The following DCLK2 variants were observed in gnomAD, a reference collection of about 807,000 sequenced individuals.
The protein encoded by DCLK2 is serine/threonine-protein kinase DCLK2.
DCLK2 carries 31 observed loss-of-function variants against 78.4 expected under a neutral mutation model. That is an observed-to-expected ratio of 0.40 (90% CI 0.30 to 0.53). DCLK2 has a LOEUF of 0.53. Among genes scored for constraint, DCLK2 ranks in the 20% least tolerant of loss-of-function variants. The pLI, the probability that DCLK2 is intolerant of heterozygous loss-of-function variation, is 0.61. For synonymous variants in DCLK2, 407 were observed against 374.9 expected, an observed-to-expected ratio of 1.09 and a Z score of -0.99; for missense variants, 872 against 973.7, an observed-to-expected ratio of 0.90 and a Z score of 1.39.
At chr4:150,213,654 A>C (rs1740475805) in intron 5 of DCLK2, among the ~76,000 whole-genome samples, 1 of 152,166 alleles carries the variant, frequency 6.6e-6, no homozygotes, top group African/African-American at 2.4e-5. Context: ...TTAAAGAAAA[A>C]ATTTATCTTA....
intron 2 of DCLK2, among the ~76,000 whole-genome samples, chr4:150,174,068 G>A (rs1736756078): frequency 6.6e-6 from 1 of 152,116 alleles, no homozygotes; most frequent in African/African-American, 2.4e-5. Flanking sequence ...CCGCACTTTA[G>A]TGATACCCAG....
At position 150,256,295 on chromosome 4, in the gene DCLK2, C is replaced by T. The variant is rs1744564370; in HGVS notation, c.*48C>T. On this transcript the variant is annotated 3_prime_UTR_variant, in exon 16 of 16. Coordinates refer to ENST00000296550, the MANE Select transcript of DCLK2 (RefSeq NM_001040260.4). ...CGCCTGCTGCAGCCCAGGAAGCCAGCCCTCTGCTCGGCCTCGCCGGCCTCC... is the reference window on the plus strand; with the variant it reads ...CGCCTGCTGCAGCCCAGGAAGCCAGTCCTCTGCTCGGCCTCGCCGGCCTCC... The T allele has an allele frequency of 6.9e-6, 10 of 1,455,840 alleles. No homozygotes were observed. The highest frequency in any genetic ancestry group is 1.4e-5 in the South Asian group (1 of 70,664). 90.2% of individuals were successfully genotyped at this position (1,455,840 alleles called of 1,614,324 possible). A position where few individuals can be genotyped will look rare whatever the true frequency, so the allele number is the denominator to read the frequency against.
At chr4:150,191,885 A>G (rs1738480226) in intron 2 of DCLK2, among the ~76,000 whole-genome samples, 1 of 152,198 alleles carries the variant, frequency 6.6e-6, no homozygotes, top group African/African-American at 2.4e-5. Flanking sequence ...TTCCCCAATG[A>G]AAAGCTAAAT....
chr4:150,107,768 TTAGA>T (rs1731379009), intron 2 of DCLK2, among the ~76,000 whole-genome samples: 1 of 152,150 alleles, frequency 6.6e-6, no homozygotes, highest in African/African-American at 2.4e-5. Context: ...TTGCAGGGGA[TTAGA>T]TAAAGACATC....
At chr4:150,254,261 G>T (rs1045981582) in intron 15 of DCLK2, among the ~76,000 whole-genome samples, 2 of 152,216 alleles carry the variant, frequency 1.3e-5, no homozygotes, top group Non-Finnish European at 2.9e-5. Context: ...ATTATGCCTT[G>T]TTTCAGGGGG....
intron 1 of DCLK2, among the ~76,000 whole-genome samples, chr4:150,084,468 GGTT>G (rs1729513491): frequency 6.6e-6 from 1 of 152,144 alleles, no homozygotes; most frequent in Non-Finnish European, 1.5e-5. Context: ...CTATAAATCT[GGTT>G]GTCCCATCTC....
At chr4:150,123,955 G>A (rs1269729261) in intron 2 of DCLK2, among the ~76,000 whole-genome samples, 3 of 151,730 alleles carry the variant, frequency 2.0e-5, no homozygotes, top group African/African-American at 7.3e-5. Flanking sequence ...TGGGAGGATC[G>A]TTTGAGCCTG....
chr4:150,085,170 T>A (rs1039006899), intron 1 of DCLK2, among the ~76,000 whole-genome samples: 5 of 152,316 alleles, frequency 3.3e-5, no homozygotes, highest in Non-Finnish European at 7.3e-5. Flanking sequence ...TCTGAAACTC[T>A]GTGTTCTTAA....
intron 5 of DCLK2, among the ~76,000 whole-genome samples, chr4:150,215,142 C>T (rs1278885589): frequency 6.6e-6 from 1 of 152,054 alleles, no homozygotes; most frequent in Admixed American, 6.6e-5. Flanking sequence ...GAAAATCTTT[C>T]TCAAACCATG....
At chr4:150,153,746 T>C (rs200089979) in intron 2 of DCLK2, among the ~76,000 whole-genome samples, 1 of 151,966 alleles carries the variant, frequency 6.6e-6, no homozygotes, top group South Asian at 2.1e-4. Flanking sequence ...AAGTCTGTAT[T>C]AGGACTCTTT....
intron 2 of DCLK2, among the ~76,000 whole-genome samples, chr4:150,150,437 T>C (rs1350383866): frequency 1.3e-5 from 2 of 152,174 alleles, no homozygotes; most frequent in Non-Finnish European, 2.9e-5. Flanking sequence ...CAGTGAGATA[T>C]ATTAAAGGCA....
chr4:150,126,877 T>G (rs974578839), intron 2 of DCLK2, among the ~76,000 whole-genome samples: 2 of 152,226 alleles, frequency 1.3e-5, no homozygotes, highest in Non-Finnish European at 2.9e-5. Flanking sequence ...GATTTACTTG[T>G]CATATCTCCT....
chr4:150,101,168 T>C (rs568070994), intron 1 of DCLK2, among the ~76,000 whole-genome samples: 42 of 152,250 alleles, frequency 2.8e-4, no homozygotes, highest in Non-Finnish European at 5.7e-4. Context: ...GGTGGGAGAA[T>C]CACTTGAGTC....
intron 9 of DCLK2, 67 bp from the exon 10 acceptor site, chr4:150,232,615 C>A: frequency 1.3e-6 from 2 of 1,556,006 alleles, no homozygotes; most frequent in Admixed American, 1.7e-5. Flanking sequence ...TGCCAATGAG[C>A]CATCTTTCTT....
At chr4:150,204,502 T>C (rs751014025) in intron 5 of DCLK2, among the ~76,000 whole-genome samples, 3 of 152,174 alleles carry the variant, frequency 2.0e-5, no homozygotes, top group Admixed American at 6.5e-5. Context: ...TTTTGCAAAA[T>C]TTCAACAAGT....
chr4:150,198,974 T>G, intron 4 of DCLK2: 1 of 1,271,946 alleles, frequency 7.9e-7, no homozygotes, highest in Non-Finnish European at 1.1e-6. Flanking sequence ...TTAGAGCTGC[T>G]GAATAACCAC....
chr4:150,234,297 G>A (rs1742311875), intron 10 of DCLK2, among the ~76,000 whole-genome samples: 1 of 152,244 alleles, frequency 6.6e-6, no homozygotes, highest in Non-Finnish European at 1.5e-5. Flanking sequence ...CTACGGTGTT[G>A]TGATCTTTAT....
At chr4:150,149,037 C>CAAAAAA (rs11407877) in intron 2 of DCLK2, among the ~76,000 whole-genome samples, 1 of 104,712 alleles carries the variant, frequency 9.6e-6, no homozygotes, top group African/African-American at 3.8e-5. Context: ...CAGACTGTCT[C>CAAAAAA]AAAAAAAAAA....
intron 1 of DCLK2, among the ~76,000 whole-genome samples, chr4:150,083,363 A>T (rs1378065420): frequency 6.6e-6 from 1 of 152,082 alleles, no homozygotes; most frequent in Non-Finnish European, 1.5e-5. Context: ...CATATGAGAG[A>T]GTTTTGGTTA....
Sources: gnomAD v4.1 joint callset for allele counts (sites outside exome capture counted in the v4.1 genomes callset) on GRCh38, gnomAD v4.1.1 for gene constraint, MANE v1.5 for transcripts, NCBI Gene and HGNC (gene_info 2026-07-23, HGNC 2026-07-21) for gene names.